DPP10: variants seen among roughly 807,000 people sequenced by gnomAD.
DPP10 encodes the protein inactive dipeptidyl peptidase 10.
A neutral mutation model predicts 120.9 loss-of-function variants in DPP10; 33 were observed. The observed-to-expected ratio is 0.27, with a 90% CI of 0.21 to 0.37. The LOEUF is 0.37. Among genes scored for constraint, DPP10 ranks in the 10% least tolerant of loss-of-function variants. The probability of loss-of-function intolerance (pLI) is 1.00; values close to 1 mark genes in which losing one functional copy is unlikely to be tolerated. For missense variants in DPP10, 816 were observed against 942.8 expected, an observed-to-expected ratio of 0.87 and a Z score of 1.76; for synonymous variants, 337 against 326.1, an observed-to-expected ratio of 1.03 and a Z score of -0.36.
chr2:115,616,653 T>C (rs1156498094), intron 5 of DPP10, among the ~76,000 whole-genome samples: 2 of 152,136 alleles, frequency 1.3e-5, no homozygotes, highest in African/African-American at 4.8e-5. Context: ...ATAACCTCTC[T>C]CTGGATAGGT....
chr2:114,442,775 A>G lies in DPP10; in HGVS notation c.-4A>G. 6.2e-7 allele frequency: 1 copy of G among 1,613,320 alleles called. No homozygotes were observed. Among genetic ancestry groups the G allele is most frequent in the Non-Finnish European group, 8.5e-7 (1 of 1,179,496 alleles). On this transcript the variant is annotated 5_prime_UTR_variant, in exon 1 of 26. Transcript: ENST00000410059. ...GGATTGTGCACTGTCCAGGGTCCTG[A>G]AACATGAACCAAACTGCCAGCGTGT... is the stretch of plus-strand genomic sequence containing the variant.
intron 3 of DPP10, among the ~76,000 whole-genome samples, chr2:115,435,283 G>A (rs1589084): frequency 0.6 from 90,809 of 151,502 alleles, 28,503 homozygotes; most frequent in Middle Eastern, 0.74. Context: ...CATAGTGGCT[G>A]TACTAATTTA....
chr2:114,671,250 C>T (rs1000612304), intron 1 of DPP10, among the ~76,000 whole-genome samples: 4 of 152,064 alleles, frequency 2.6e-5, no homozygotes, highest in South Asian at 2.1e-4. Context: ...TGTGTAAGTA[C>T]GTTCTATGAA....
intron 3 of DPP10, among the ~76,000 whole-genome samples, chr2:115,499,155 G>T (rs952492590): frequency 1.3e-5 from 2 of 152,056 alleles, no homozygotes; most frequent in African/African-American, 4.8e-5. Flanking sequence ...TAAAATACTG[G>T]ATCATCATCA....
At chr2:115,750,097 T>C in intron 10 of DPP10, 1 of 985,410 alleles carries the variant, frequency 1.0e-6, no homozygotes, top group Non-Finnish European at 1.2e-6. Flanking sequence ...TGCTGGCCAC[T>C]GGTCGTGGAA....
At chr2:115,553,646 CT>C (rs1458018866) in intron 5 of DPP10, among the ~76,000 whole-genome samples, 1 of 151,908 alleles carries the variant, frequency 6.6e-6, no homozygotes, top group African/African-American at 2.4e-5. Context: ...TAAACTGAAG[CT>C]AGTATTTACT....
intron 4 of DPP10, among the ~76,000 whole-genome samples, chr2:115,514,902 G>T (rs539810495): frequency 6.6e-6 from 1 of 151,686 alleles, no homozygotes; most frequent in East Asian, 1.9e-4. Flanking sequence ...AAATATGTTT[G>T]TATATATCTT....
At chr2:115,774,568 G>A (rs1681872017) in intron 13 of DPP10, among the ~76,000 whole-genome samples, 1 of 152,074 alleles carries the variant, frequency 6.6e-6, no homozygotes, top group South Asian at 2.1e-4. Context: ...CAAATTGGGT[G>A]TCTTTGCACT....
intron 1 of DPP10, among the ~76,000 whole-genome samples, chr2:115,177,548 C>G (rs1050474698): frequency 6.6e-6 from 1 of 152,152 alleles, no homozygotes; most frequent in Non-Finnish European, 1.5e-5. Context: ...TGGAACGTCT[C>G]CTTCCCAGAG....
chr2:114,699,775 G>A, intron 1 of DPP10, among the ~76,000 whole-genome samples: 1 of 152,134 alleles, frequency 6.6e-6, no homozygotes, highest in Admixed American at 6.6e-5. Flanking sequence ...AGACCACACA[G>A]TGTGGGAAGA....
At chr2:114,567,468 G>A (rs1040683448) in intron 1 of DPP10, among the ~76,000 whole-genome samples, 1 of 152,148 alleles carries the variant, frequency 6.6e-6, no homozygotes, top group Non-Finnish European at 1.5e-5. Context: ...GAGCAGAGGA[G>A]AGGCTACATT....
chr2:114,945,438 T>C (rs1697272104), intron 1 of DPP10, among the ~76,000 whole-genome samples: 3 of 152,106 alleles, frequency 2.0e-5, no homozygotes, highest in Non-Finnish European at 4.4e-5. Flanking sequence ...TGAACAGACA[T>C]CTCACCAATG....
At chr2:114,854,093 A>G (rs142400584) in intron 1 of DPP10, among the ~76,000 whole-genome samples, 3 of 152,222 alleles carry the variant, frequency 2.0e-5, no homozygotes, top group Non-Finnish European at 2.9e-5. Context: ...TGTTTAATAC[A>G]TATGGAAAAT....
chr2:114,914,115 GAGA>G (rs1253964690), intron 1 of DPP10, among the ~76,000 whole-genome samples: 5 of 152,298 alleles, frequency 3.3e-5, no homozygotes, highest in East Asian at 1.9e-4. Context: ...ATCCTAGAAA[GAGA>G]AGGAGAGGCA....
At chr2:114,870,532 A>AGACTTTATTCCCAT (rs1257572334) in intron 1 of DPP10, among the ~76,000 whole-genome samples, 1 of 138,474 alleles carries the variant, frequency 7.2e-6, no homozygotes. Context: ...AGCTACAAAA[A>AGACTTTATTCCCAT]GTAGTCAGGT....
intron 3 of DPP10, among the ~76,000 whole-genome samples, chr2:115,377,362 G>A (rs1440702575): frequency 6.6e-6 from 1 of 152,130 alleles, no homozygotes; most frequent in Non-Finnish European, 1.5e-5. Context: ...TTTGAGAAGT[G>A]TCTGTTCATG....
At position 115,166,581 on chromosome 2, in the gene DPP10, TTA is replaced by T. The variant is rs2052890695; in HGVS notation, c.61-142651_61-142650del. On this transcript the variant is annotated intron_variant, in intron 1 of 25. Coordinates refer to ENST00000410059, the MANE Select transcript of DPP10 (RefSeq NM_020868.6). ...ATTATATAAATTTATAATATAAATA[TTA>T]TATATAAGGCATTTTGTTTATTAAG... is the stretch of plus-strand genomic sequence containing the variant. 2.1e-5 allele frequency among the ~76,000 whole-genome samples: 3 copies of T among 143,616 alleles called. No homozygotes were observed. In the South Asian group the frequency reaches 6.4e-4, roughly 30 times the overall value. The allele number at this position is 143,616 out of a possible 152,430, so 94.2% of individuals were successfully genotyped here.
intron 1 of DPP10, among the ~76,000 whole-genome samples, chr2:115,216,663 A>C (rs1366537042): frequency 6.6e-6 from 1 of 151,928 alleles, no homozygotes; most frequent in African/African-American, 2.4e-5. Context: ...GGGCACCTAT[A>C]ATCACAGCTA....
At chr2:115,392,386 T>C (rs2067379421) in intron 3 of DPP10, among the ~76,000 whole-genome samples, 1 of 152,214 alleles carries the variant, frequency 6.6e-6, no homozygotes, top group Non-Finnish European at 1.5e-5. Flanking sequence ...GAAAACTCTC[T>C]AAAATATCAG....
Sources: allele counts gnomAD v4.1 joint callset (sites outside exome capture counted in the v4.1 genomes callset), GRCh38; gene constraint gnomAD v4.1.1; transcripts MANE v1.5; gene names NCBI Gene and HGNC (gene_info 2026-07-23, HGNC 2026-07-21).